The following ADSS1 variants were observed in gnomAD, a reference collection of about 807,000 sequenced individuals.
The protein encoded by ADSS1 is adenylosuccinate synthetase isozyme 1.
A neutral mutation model predicts 59.1 loss-of-function variants in ADSS1; 57 were observed. That is an observed-to-expected ratio of 0.97 (90% CI 0.78 to 1.20). ADSS1 has a LOEUF of 1.20. ADSS1 is among the 50% of genes most tolerant of loss of function. The pLI, the probability that ADSS1 is intolerant of heterozygous loss-of-function variation, is 0.00. For missense variants in ADSS1, 603 were observed against 610.3 expected (o/e 0.99, Z 0.13); for synonymous variants, 247 against 249.4 (o/e 0.99, Z 0.09).
At chr14:104,744,752 A>G in intron 10 of ADSS1, 60 bp from the exon 11 acceptor site, 1 of 1,545,430 alleles carries the variant, frequency 6.5e-7, no homozygotes, top group Non-Finnish European at 8.9e-7. Flanking sequence ...AAGCAAGCGG[A>G]AGAAACCCCA....
At chr14:104,745,171 C>A in intron 11 of ADSS1, 1 of 420,336 alleles carries the variant, frequency 2.4e-6, no homozygotes, top group African/African-American at 2.0e-5. Context: ...GGACAGACTA[C>A]TCGCCTGGGA....
chr14:104,734,594 G>A (rs377224352), intron 1 of ADSS1, among the ~76,000 whole-genome samples: 8 of 152,220 alleles, frequency 5.3e-5, no homozygotes, highest in South Asian at 2.1e-4. Context: ...ATTCTTAGAC[G>A]GGAGGTGCCT....
At chr14:104,741,580 C>G (rs1228120603) in intron 8 of ADSS1, among the ~76,000 whole-genome samples, 1 of 152,134 alleles carries the variant, frequency 6.6e-6, no homozygotes, top group Non-Finnish European at 1.5e-5. Context: ...CCAGCTTACC[C>G]TCACCCCCGA....
intron 2 of ADSS1, among the ~76,000 whole-genome samples, chr14:104,736,881 GATATATAT>G (rs57122419): frequency 0.026 from 2,740 of 106,572 alleles, 74 homozygotes; most frequent in African/African-American, 0.051. Flanking sequence ...GCACCTAGCT[GATATATAT>G]ATATATATAT....
Position 104,739,721 on chromosome 14 carries a change from C to T in ADSS1, c.410-29C>T, listed in dbSNP as rs775758604. ...CTGTCCTCTGCTTCTCTCCTGTCTC[C>T]TGCTGCCCTCACCTGGCCCGCCCGA... On this transcript the variant is annotated intron_variant, in intron 4 of 12. Coordinates refer to ENST00000330877, the MANE Select transcript of ADSS1 (RefSeq NM_152328.5). The T allele has an allele frequency of 1.6e-5, 26 of 1,612,970 alleles. No homozygotes were observed. In the African/African-American group the frequency reaches 3.3e-4, roughly 21 times the overall value.
rs1566801579 is a variant in ADSS1 at position 104,741,915 on chromosome 14, C to T, written c.861C>T (p.Pro287=). The stretch of plus-strand genomic sequence containing the variant: ...GTGTGTGCACGGGCCTGGGCATCCC[C>T]CCGCAGAACATAGGTGACGTGTATG... ...VGGVCTGLGI[P]PQNIGDVYGV... is the part of the protein sequence containing the mutation. The change falls in exon 9 of 13, where the codon CCC becomes CCT. Residue 287 remains proline (P), a synonymous_variant. Transcript: ENST00000330877. 2 of 1,613,404 alleles carry T rather than the reference C, an allele frequency of 1.2e-6. No individual in the cohort carries two copies. The highest frequency in any genetic ancestry group is 1.7e-5 in the Admixed American group (1 of 60,014).
intron 9 of ADSS1, 48 bp from the exon 10 acceptor site, chr14:104,743,019 C>T (rs1344295178): frequency 6.2e-7 from 1 of 1,607,210 alleles, no homozygotes; most frequent in Non-Finnish European, 8.5e-7. Flanking sequence ...CCAGGCTGCA[C>T]AAGGCTCCCA....
intron 1 of ADSS1, among the ~76,000 whole-genome samples, chr14:104,730,958 TGGGGG>T (rs60540767): frequency 1.6e-4 from 5 of 32,088 alleles, no homozygotes; most frequent in African/African-American, 3.5e-4. Context: ...AGGCAGAGAG[TGGGGG>T]GGGGGGGGGG....
chr14:104,728,352 C>T (rs1439109763), intron 1 of ADSS1, among the ~76,000 whole-genome samples: 1 of 152,130 alleles, frequency 6.6e-6, no homozygotes, highest in Non-Finnish European at 1.5e-5. Flanking sequence ...CAGAGGGTCC[C>T]TGCAGTTACA....
rs372990767 is a variant in ADSS1 at position 104,740,824 on chromosome 14, C to T, written c.585-15C>T. ...GGACCATGACAGGGGGTGATGATGA[C>T]TGTCCCTTGTGCAGATTCAAGAACC... On this transcript the variant is annotated splice_polypyrimidine_tract_variant and intron_variant, in intron 6 of 12. Transcript: ENST00000330877. This position sits in a 1 kb window ranked among gnomAD's most constrained non-coding sequence, Gnocchi z 4.8. The T allele has an allele frequency of 1.2e-6, 2 of 1,613,730 alleles. No homozygotes were observed. The highest frequency in any genetic ancestry group is 2.7e-5 in the African/African-American group (2 of 74,898).
At chr14:104,739,211 C>A (rs971862703) in intron 3 of ADSS1, 117 bp from the exon 4 acceptor site, 3 of 1,086,962 alleles carry the variant, frequency 2.8e-6, no homozygotes, top group Non-Finnish European at 4.0e-6. Flanking sequence ...TGTCAGCCTC[C>A]TCCCTGCATG....
intron 1 of ADSS1, among the ~76,000 whole-genome samples, chr14:104,729,417 G>C (rs898039398): frequency 6.6e-6 from 1 of 152,212 alleles, no homozygotes; most frequent in Non-Finnish European, 1.5e-5. Context: ...GCAGTGTGGA[G>C]GTGAGGAGCA....
rs1891305589 is a variant in ADSS1 at position 104,740,543 on chromosome 14, A to G, written c.477-58A>G. 6.6e-7 allele frequency: 1 copy of G among 1,517,486 alleles called. No individual in the cohort carries two copies. The highest frequency in any genetic ancestry group is 9.1e-7 in the Non-Finnish European group (1 of 1,103,044). 94.0% of individuals were successfully genotyped at this position (1,517,486 alleles called of 1,614,324 possible). On this transcript the variant is annotated intron_variant, in intron 5 of 12. Coordinates refer to ENST00000330877, the MANE Select transcript of ADSS1 (RefSeq NM_152328.5). This position sits in a 1 kb window ranked among gnomAD's most constrained non-coding sequence, Gnocchi z 4.8. The stretch of plus-strand genomic sequence containing the variant: ...CGGCGGGGGTCATGGCCTCAGTGGG[A>G]TGCCTGAGCTCCTCAGGGCTCCTGG...
In ADSS1 at chr14:104,741,167, G is replaced by A. The variant is rs759221455; in HGVS notation, c.717G>A (p.Met239Ile). 10 of 1,612,328 alleles carry A rather than the reference G, an allele frequency of 6.2e-6. No individual in the cohort carries two copies. The highest frequency in any genetic ancestry group is 3.3e-5 in the Admixed American group (2 of 59,748). ...TGGTCCGAGATGGTGTTTACTTTAT[G>A]TATGAGGCACTCCACGGCCCCCCCA... is the stretch of plus-strand genomic sequence containing the variant. ...RPMVRDGVYF[M>I]YEALHGPPKK... Residue 239 changes from methionine to isoleucine, a missense_variant, in exon 8 of 13, where the codon ATG becomes ATA. Met to Ile is a conservative substitution (Grantham distance 10). Transcript: ENST00000330877.
chr14:104,728,844 G>A (rs1242441295), intron 1 of ADSS1, among the ~76,000 whole-genome samples: 2 of 152,202 alleles, frequency 1.3e-5, no homozygotes, highest in Non-Finnish European at 2.9e-5. Flanking sequence ...ATTCCAGGGG[G>A]AGAGGTGCAA....
intron 4 of ADSS1, 46 bp downstream of exon 4, chr14:104,739,424 C>A: frequency 6.4e-7 from 1 of 1,572,506 alleles, no homozygotes; most frequent in Non-Finnish European, 8.6e-7. Context: ...CCTGCCCCCA[C>A]CATTGCCAGC....
At chr14:104,743,226 G>T in intron 10 of ADSS1, 35 bp downstream of exon 10, 6 of 1,601,722 alleles carry the variant, frequency 3.7e-6, no homozygotes, top group Non-Finnish European at 5.1e-6. Flanking sequence ...CACTGGGACC[G>T]TCCCTGACTC....
chr14:104,740,925 A>G lies in ADSS1; in HGVS notation c.666+5A>G, dbSNP rs773954704. On this transcript the variant is annotated splice_donor_5th_base_variant and intron_variant, in intron 7 of 12. Coordinates refer to ENST00000330877, the MANE Select transcript of ADSS1 (RefSeq NM_152328.5). This position sits in a 1 kb window ranked among gnomAD's most constrained non-coding sequence, Gnocchi z 4.8. ...GGCCAACTCAAAAGGCTCAAGGTGA[A>G]GTCGGGGCCGCAGTGTGGGGGCTGC... The G allele has an allele frequency of 6.2e-7, 1 of 1,613,920 alleles. No individual in the cohort carries two copies. The highest frequency in any genetic ancestry group is 1.7e-5 in the Admixed American group (1 of 60,020).
chr14:104,745,062 T>G, intron 11 of ADSS1, 153 bp downstream of exon 11: 1 of 676,792 alleles, frequency 1.5e-6, no homozygotes, highest in Admixed American at 2.5e-5. Context: ...CATCATGGCT[T>G]TTGCCTCTCA....
Sources: gnomAD v4.1 joint callset for allele counts (sites outside exome capture counted in the v4.1 genomes callset) on GRCh38, gnomAD v4.1.1 for gene constraint, Gnocchi (gnomAD v3.1) non-coding constraint, MANE v1.5 for transcripts, NCBI Gene and HGNC (gene_info 2026-07-23, HGNC 2026-07-21) for gene names.